PIAS2: variants seen among roughly 807,000 people sequenced by gnomAD.
The protein encoded by PIAS2 is E3 SUMO-protein ligase PIAS2.
PIAS2 carries 19 observed loss-of-function variants against 69.7 expected under a neutral mutation model. The observed-to-expected ratio is 0.27, with a 90% CI of 0.19 to 0.40. The LOEUF (loss-of-function observed/expected upper bound fraction) is 0.40, where lower values mean the gene tolerates loss of function less well. Ranked by LOEUF, PIAS2 falls within the 10% of genes least tolerant of loss-of-function variation. The pLI is 1.00. For missense variants in PIAS2, 624 were observed against 757.0 expected (o/e 0.82, Z 2.06); for synonymous variants, 261 against 263.2 (o/e 0.99, Z 0.08).
intron 1 of PIAS2, chr18:46,907,403 G>C (rs2056749100): frequency 6.6e-6 from 1 of 152,082 alleles, no homozygotes; most frequent in Admixed American, 6.6e-5. Flanking sequence ...TAAAAGGGTA[G>C]ACAAGGATAT....
At chr18:46,917,071 G>A in intron 1 of PIAS2, 1 of 988,656 alleles carries the variant, frequency 1.0e-6, no homozygotes, top group African/African-American at 1.7e-5. Flanking sequence ...CGCCAGGTGT[G>A]CGGACCACTG....
intron 2 of PIAS2, among the ~76,000 whole-genome samples, chr18:46,870,406 G>A (rs2956975): frequency 0.4 from 60,755 of 151,828 alleles, 12,587 homozygotes; most frequent in Middle Eastern, 0.51. Context: ...ACAACGTCAG[G>A]AGATTGAGAC....
At chr18:46,849,285 C>A (rs1288104308) in intron 5 of PIAS2, among the ~76,000 whole-genome samples, 3 of 152,136 alleles carry the variant, frequency 2.0e-5, no homozygotes, top group Admixed American at 2.0e-4. Context: ...TGTGACTTTA[C>A]TGGTAATTCT....
At chr18:46,901,449 T>C (rs894539138) in intron 1 of PIAS2, among the ~76,000 whole-genome samples, 2 of 152,278 alleles carry the variant, frequency 1.3e-5, no homozygotes, top group African/African-American at 2.4e-5. Flanking sequence ...GTCATGAATA[T>C]AGACGTTAAA....
intron 12 of PIAS2, chr18:46,815,937 C>T (rs2041476795): frequency 2.0e-6 from 2 of 985,150 alleles, no homozygotes; most frequent in African/African-American, 1.7e-5. Context: ...ATTTTCTGAA[C>T]CAGAGAACTG....
At chr18:46,818,214 T>C in intron 12 of PIAS2, 1 of 1,203,734 alleles carries the variant, frequency 8.3e-7, no homozygotes, top group Non-Finnish European at 1.0e-6. Context: ...TGCTACATGA[T>C]TAAATATGTA....
intron 1 of PIAS2, among the ~76,000 whole-genome samples, chr18:46,916,154 G>C (rs1333999303): frequency 6.6e-6 from 1 of 152,142 alleles, no homozygotes; most frequent in Non-Finnish European, 1.5e-5. Context: ...GGCAGGCACT[G>C]TGCAAACTCC....
intron 5 of PIAS2, chr18:46,853,047 T>C (rs1301907869): frequency 3.9e-5 from 6 of 152,254 alleles, no homozygotes; most frequent in Admixed American, 1.3e-4. Flanking sequence ...GAGGCCAACA[T>C]AGGTGGATCA....
At chr18:46,888,612 T>G (rs1244459709) in intron 2 of PIAS2, among the ~76,000 whole-genome samples, 1 of 152,150 alleles carries the variant, frequency 6.6e-6, no homozygotes, top group Non-Finnish European at 1.5e-5. Context: ...GGCAGACAAT[T>G]TTCCCACAGG....
intron 3 of PIAS2, among the ~76,000 whole-genome samples, chr18:46,863,178 A>T (rs374866355): frequency 6.6e-6 from 1 of 152,154 alleles, no homozygotes; most frequent in Non-Finnish European, 1.5e-5. Flanking sequence ...CACTTTACCC[A>T]TAACTACCTC....
intron 3 of PIAS2, among the ~76,000 whole-genome samples, chr18:46,858,076 T>C (rs2048101696): frequency 6.6e-6 from 1 of 152,020 alleles, no homozygotes; most frequent in African/African-American, 2.4e-5. Flanking sequence ...CCTTGAAACA[T>C]GACTCAAGAA....
intron 7 of PIAS2, among the ~76,000 whole-genome samples, chr18:46,844,464 T>C (rs1372050927): frequency 6.6e-6 from 1 of 152,136 alleles, no homozygotes; most frequent in Non-Finnish European, 1.5e-5. Flanking sequence ...TCACAGTTTT[T>C]ATTATGCACT....
chr18:46,902,313 T>C (rs1450029652), intron 1 of PIAS2, among the ~76,000 whole-genome samples: 2 of 150,634 alleles, frequency 1.3e-5, no homozygotes, highest in African/African-American at 2.4e-5. Flanking sequence ...TCTCAGCACT[T>C]TGGGAGGCTG....
At chr18:46,874,958 C>T (rs1277536701) in intron 2 of PIAS2, among the ~76,000 whole-genome samples, 2 of 152,132 alleles carry the variant, frequency 1.3e-5, no homozygotes, top group South Asian at 2.1e-4. Context: ...ACAGACCACA[C>T]GCGAGTGAAA....
chr18:46,910,803 A>G (rs777484600), intron 1 of PIAS2, among the ~76,000 whole-genome samples: 3 of 152,214 alleles, frequency 2.0e-5, no homozygotes, highest in African/African-American at 7.2e-5. Context: ...TTCCCACAGC[A>G]AAGTTTTCAA....
chr18:46,828,802 C>T (rs2043173693), intron 10 of PIAS2, among the ~76,000 whole-genome samples: 2 of 152,102 alleles, frequency 1.3e-5, no homozygotes, highest in South Asian at 2.1e-4. Flanking sequence ...CACATTTTCA[C>T]AGAAAAGTAT....
intron 2 of PIAS2, among the ~76,000 whole-genome samples, chr18:46,865,031 T>A (rs914759802): frequency 6.6e-6 from 1 of 152,182 alleles, no homozygotes; most frequent in African/African-American, 2.4e-5. Context: ...CTAATTTGCA[T>A]ATGAAAGTCT....
chr18:46,864,543 G>A (rs1314599986), intron 2 of PIAS2, among the ~76,000 whole-genome samples: 2 of 152,130 alleles, frequency 1.3e-5, no homozygotes, highest in African/African-American at 4.8e-5. Context: ...AGCCAAGGTG[G>A]GTGGATCACC....
At chr18:46,901,840 T>C (rs926645506) in intron 1 of PIAS2, among the ~76,000 whole-genome samples, 2 of 152,196 alleles carry the variant, frequency 1.3e-5, no homozygotes, top group African/African-American at 4.8e-5. Context: ...GGCGGAAAGA[T>C]TGCTTTCCCT....
Sources: allele counts gnomAD v4.1 joint callset (sites outside exome capture counted in the v4.1 genomes callset), GRCh38; gene constraint gnomAD v4.1.1; transcripts MANE v1.5; gene names NCBI Gene and HGNC (gene_info 2026-07-23, HGNC 2026-07-21).